The following MEGF11 variants were observed in gnomAD, a reference collection of about 807,000 sequenced individuals.
MEGF11 encodes multiple EGF like domains 11.
MEGF11 carries 126 observed loss-of-function variants against 146.6 expected under a neutral mutation model. That is an observed-to-expected ratio of 0.86 (90% CI 0.74 to 1.00). The LOEUF is 1.00. Ranked by LOEUF, MEGF11 falls within the 50% of genes least tolerant of loss-of-function variation. MEGF11 has a pLI of 0.00. For synonymous variants in MEGF11, 532 were observed against 583.4 expected (o/e 0.91, Z 1.27); for missense variants, 1,509 against 1,521.2 (o/e 0.99, Z 0.13).
At chr15:66,252,539 C>G (rs1393657908) in intron 1 of MEGF11, among the ~76,000 whole-genome samples, 1 of 152,104 alleles carries the variant, frequency 6.6e-6, no homozygotes, top group Non-Finnish European at 1.5e-5. Context: ...ACGCGGCTGC[C>G]GCTGGATGGA....
intron 1 of MEGF11, among the ~76,000 whole-genome samples, chr15:66,249,836 G>A (rs1049943867): frequency 6.6e-6 from 1 of 152,220 alleles, no homozygotes; most frequent in African/African-American, 2.4e-5. Context: ...CCAGTAACCT[G>A]TGTTTTCACA....
chr15:66,245,065 T>A (rs906333850), intron 1 of MEGF11, among the ~76,000 whole-genome samples: 1 of 152,184 alleles, frequency 6.6e-6, no homozygotes, highest in Non-Finnish European at 1.5e-5. Flanking sequence ...TGCTTGGATA[T>A]CACTGTGGGC....
intron 8 of MEGF11, among the ~76,000 whole-genome samples, chr15:65,965,571 C>CCTTCCTTCCTTCCTTCCTTTCTTT (rs2081038317): frequency 1.5e-5 from 1 of 66,564 alleles, no homozygotes; most frequent in African/African-American, 5.6e-5. Flanking sequence ...CAGTGAGGTC[C>CCTTCCTTCCTTCCTTCCTTTCTTT]CTTTCTTTCT....
At chr15:65,978,908 C>G (rs2081541656) in intron 7 of MEGF11, among the ~76,000 whole-genome samples, 1 of 152,144 alleles carries the variant, frequency 6.6e-6, no homozygotes, top group Non-Finnish European at 1.5e-5. Context: ...GCCTCAGCTT[C>G]TTCATCTGAG....
At chr15:66,184,904 C>T (rs1344909720) in intron 1 of MEGF11, among the ~76,000 whole-genome samples, 3 of 152,120 alleles carry the variant, frequency 2.0e-5, no homozygotes, top group African/African-American at 7.2e-5. Flanking sequence ...AGGCAGGCTC[C>T]TTTGCTTTAC....
At chr15:66,020,333 T>G (rs1945870310) in intron 5 of MEGF11, among the ~76,000 whole-genome samples, 1 of 152,120 alleles carries the variant, frequency 6.6e-6, no homozygotes, top group Non-Finnish European at 1.5e-5. Context: ...TGCTATTACT[T>G]GGGAAGAGAA....
At chr15:65,964,800 C>T (rs1451108569) in intron 9 of MEGF11, 108 bp downstream of exon 9, 15 of 1,096,930 alleles carry the variant, frequency 1.4e-5, no homozygotes, top group Non-Finnish European at 1.9e-5. Context: ...CTTTCCCCCA[C>T]CTGCCTGGAT....
intron 4 of MEGF11, among the ~76,000 whole-genome samples, chr15:66,101,337 C>G (rs985229165): frequency 5.9e-5 from 9 of 152,192 alleles, no homozygotes; most frequent in African/African-American, 2.2e-4. Flanking sequence ...CTGCCCTCCC[C>G]ACACTGGGCC....
intron 9 of MEGF11, among the ~76,000 whole-genome samples, chr15:65,958,897 C>G (rs571108238): frequency 3.9e-5 from 6 of 152,170 alleles, no homozygotes; most frequent in Non-Finnish European, 4.4e-5. Flanking sequence ...TGGCACTGGC[C>G]TGCCTGCTCT....
At chr15:66,154,977 A>G (rs1597125234) in intron 1 of MEGF11, among the ~76,000 whole-genome samples, 1 of 152,368 alleles carries the variant, frequency 6.6e-6, no homozygotes, top group East Asian at 1.9e-4. Context: ...AGCCAACAAG[A>G]TTCCCTTCAG....
chr15:66,182,779 G>A (rs771641023), intron 1 of MEGF11, among the ~76,000 whole-genome samples: 1 of 152,168 alleles, frequency 6.6e-6, no homozygotes, highest in African/African-American at 2.4e-5. Flanking sequence ...CAAAATAAGC[G>A]ATGGGAGTTA....
At chr15:65,985,283 G>T (rs968134337) in intron 5 of MEGF11, among the ~76,000 whole-genome samples, 2 of 152,172 alleles carry the variant, frequency 1.3e-5, no homozygotes, top group African/African-American at 4.8e-5. Context: ...CCCACTGCAG[G>T]TCTTTGGGAC....
At chr15:66,064,213 C>T (rs1479174360) in intron 5 of MEGF11, among the ~76,000 whole-genome samples, 1 of 152,040 alleles carries the variant, frequency 6.6e-6, no homozygotes, top group African/African-American at 2.4e-5. Context: ...ACTAAAAACA[C>T]AGAAAATGAG....
intron 7 of MEGF11, 127 bp downstream of exon 7, chr15:65,980,651 G>A (rs1339412139): frequency 8.4e-6 from 11 of 1,309,842 alleles, no homozygotes; most frequent in Admixed American, 3.4e-5. Flanking sequence ...TGCGGGCCTC[G>A]GCCTCCCAAA....
At chr15:66,224,967 G>A (rs745945302) in intron 1 of MEGF11, among the ~76,000 whole-genome samples, 5 of 152,138 alleles carry the variant, frequency 3.3e-5, no homozygotes, top group South Asian at 2.1e-4. Context: ...GCCCAAGCAC[G>A]CCAGCCCCTC....
intron 1 of MEGF11, among the ~76,000 whole-genome samples, chr15:66,132,718 G>A (rs909434292): frequency 5.3e-5 from 8 of 152,152 alleles, no homozygotes; most frequent in African/African-American, 1.4e-4. Context: ...CAACACAGGT[G>A]CCATGTACCG....
chr15:66,041,228 T>C (rs1567214305), intron 5 of MEGF11, among the ~76,000 whole-genome samples: 1 of 152,212 alleles, frequency 6.6e-6, no homozygotes, highest in Admixed American at 6.5e-5. Context: ...AACAGGTCTT[T>C]GGTAAGTTGA....
rs552554476 is a variant in MEGF11 at position 66,153,175 on chromosome 15, C to CAG, written c.-8-24766_-8-24765dup. ...GCTCCCACACTCCCCACAGCACTAA[C>CAG]AGAGCTCACTTGGAGCCAAACAGGT... On this transcript the variant is annotated intron_variant, in intron 1 of 25. Coordinates refer to ENST00000395614, the MANE Select transcript of MEGF11 (RefSeq NM_001385028.1). Among the ~76,000 whole-genome samples, 142 of 152,350 alleles carry CAG rather than the reference C, an allele frequency of 9.3e-4. 1 individual carries two copies. Among genetic ancestry groups the CAG allele is most frequent in the African/African-American group, 3.2e-3 (134 of 41,576 alleles).
intron 4 of MEGF11, among the ~76,000 whole-genome samples, chr15:66,114,758 C>T (rs1026667175): frequency 2.2e-5 from 3 of 133,504 alleles, no homozygotes; most frequent in South Asian, 2.7e-4. Context: ...ATAATGGAAG[C>T]GGAAAGAGGT....
Sources: allele counts gnomAD v4.1 joint callset (sites outside exome capture counted in the v4.1 genomes callset), GRCh38; gene constraint gnomAD v4.1.1; transcripts MANE v1.5; gene names NCBI Gene and HGNC (gene_info 2026-07-23, HGNC 2026-07-21).